DLG2: variants seen among roughly 807,000 people sequenced by gnomAD.
The protein encoded by DLG2 is disks large homolog 2.
In DLG2, 45 loss-of-function variants were observed where a neutral mutation model predicts 132.5. The ratio of observed to expected loss-of-function variants is 0.34; its 90% confidence interval spans 0.27 to 0.44. The LOEUF is 0.44. Among genes scored for constraint, DLG2 ranks in the 20% least tolerant of loss-of-function variants. The pLI is 1.00. For synonymous variants in DLG2, 424 were observed against 419.6 expected (o/e 1.01, Z -0.13); for missense variants, 1,045 against 1,196.9 (o/e 0.87, Z 1.87).
chr11:84,706,146 G>A (rs1264469183), intron 6 of DLG2, among the ~76,000 whole-genome samples: 1 of 151,820 alleles, frequency 6.6e-6, no homozygotes, highest in Non-Finnish European at 1.5e-5. Flanking sequence ...TCCCTCCTTG[G>A]ATAGCGTCCA....
intron 3 of DLG2, among the ~76,000 whole-genome samples, chr11:85,317,128 G>C (rs1334784511): frequency 6.6e-6 from 1 of 151,876 alleles, no homozygotes; most frequent in East Asian, 1.9e-4. Context: ...TAAACATCTT[G>C]TGTAAAAGCT....
chr11:83,664,835 A>T (rs2096688282), intron 18 of DLG2, among the ~76,000 whole-genome samples: 1 of 152,178 alleles, frequency 6.6e-6, no homozygotes, highest in South Asian at 2.1e-4. Context: ...CTGAAAGCTC[A>T]TGAAGCCAGC....
At chr11:84,089,200 T>C (rs1010387729) in intron 10 of DLG2, among the ~76,000 whole-genome samples, 2 of 152,198 alleles carry the variant, frequency 1.3e-5, no homozygotes, top group Non-Finnish European at 2.9e-5. Flanking sequence ...AATTGGTAAG[T>C]GGGTCTTGGG....
At chr11:83,882,484 A>T (rs1017402912) in intron 15 of DLG2, among the ~76,000 whole-genome samples, 1 of 152,244 alleles carries the variant, frequency 6.6e-6, no homozygotes, top group Non-Finnish European at 1.5e-5. Flanking sequence ...TTCATTCCAT[A>T]GCCAAAGATA....
chr11:85,495,833 T>C (rs911603993), intron 3 of DLG2, among the ~76,000 whole-genome samples: 1 of 152,196 alleles, frequency 6.6e-6, no homozygotes, highest in Non-Finnish European at 1.5e-5. Flanking sequence ...TGCACACTTA[T>C]GTTTATTGTG....
chr11:83,706,075 G>A (rs1301641943), intron 18 of DLG2, among the ~76,000 whole-genome samples: 1 of 151,978 alleles, frequency 6.6e-6, no homozygotes, highest in African/African-American at 2.4e-5. Context: ...AAAATTAGCT[G>A]GGCATGGTGG....
At chr11:85,617,705 G>A (rs1229521322) in intron 2 of DLG2, among the ~76,000 whole-genome samples, 2 of 152,122 alleles carry the variant, frequency 1.3e-5, no homozygotes, top group Non-Finnish European at 2.9e-5. Context: ...ATTTTAGCTT[G>A]TTTATTACCT....
At chr11:83,675,338 T>C (rs2077498173) in intron 18 of DLG2, among the ~76,000 whole-genome samples, 1 of 152,246 alleles carries the variant, frequency 6.6e-6, no homozygotes. Context: ...ATATACACCA[T>C]ACAATTAGCA....
intron 3 of DLG2, among the ~76,000 whole-genome samples, chr11:85,494,972 T>C (rs2153112786): frequency 6.6e-6 from 1 of 152,156 alleles, no homozygotes; most frequent in Admixed American, 6.5e-5. Context: ...CATTCATGGA[T>C]TTTATAACAA....
At chr11:84,735,023 T>C (rs1054715619) in intron 6 of DLG2, among the ~76,000 whole-genome samples, 18 of 152,204 alleles carry the variant, frequency 1.2e-4, no homozygotes, top group Admixed American at 2.6e-4. Flanking sequence ...TTTGATGTGT[T>C]GCTGGATTCA....
chr11:84,013,075 C>G (rs1445311225), intron 11 of DLG2, among the ~76,000 whole-genome samples: 5 of 152,114 alleles, frequency 3.3e-5, no homozygotes, highest in Admixed American at 3.3e-4. Context: ...TTCCCCAGAT[C>G]ATCTGTCTTA....
At chr11:84,765,384 A>G (rs76959440) in intron 6 of DLG2, among the ~76,000 whole-genome samples, 2,724 of 152,202 alleles carry the variant, frequency 0.018, 96 homozygotes, top group African/African-American at 0.062. Flanking sequence ...AGATTAAGAA[A>G]GTTCTCCTGG....
chr11:84,478,145 C>A (rs2099126843), intron 7 of DLG2, among the ~76,000 whole-genome samples: 1 of 152,048 alleles, frequency 6.6e-6, no homozygotes, highest in Admixed American at 6.6e-5. Context: ...GTTAACAGTG[C>A]ATTGTTCATT....
chr11:83,666,795 A>T (rs1049347781), intron 18 of DLG2, among the ~76,000 whole-genome samples: 4 of 152,232 alleles, frequency 2.6e-5, no homozygotes, highest in Non-Finnish European at 5.9e-5. Flanking sequence ...GCCCAAAGTC[A>T]CAATGCTGGT....
chr11:85,452,751 TTG>T (rs1157190909), intron 3 of DLG2: 1 of 154,718 alleles, frequency 6.5e-6, no homozygotes, highest in African/African-American at 2.4e-5. Flanking sequence ...AGATATCAGG[TTG>T]TTTGTTACTT....
chr11:84,353,355 T>C (rs2098593127), intron 7 of DLG2, among the ~76,000 whole-genome samples: 3 of 152,156 alleles, frequency 2.0e-5, no homozygotes, highest in African/African-American at 7.2e-5. Context: ...CTTCCTGCAG[T>C]GTTCCCTCCC....
intron 7 of DLG2, among the ~76,000 whole-genome samples, chr11:84,482,121 G>T (rs1350257055): frequency 6.6e-6 from 1 of 151,924 alleles, no homozygotes; most frequent in Non-Finnish European, 1.5e-5. Flanking sequence ...ATACATTTCT[G>T]CAGGTAATGC....
Position 83,786,797 on chromosome 11 carries a change from AAG to A in DLG2, c.1723-7_1723-6del. 1 of 1,613,282 alleles carries A rather than the reference AAG, an allele frequency of 6.2e-7. No homozygotes were observed. Among genetic ancestry groups the A allele is most frequent in the Non-Finnish European group, 8.5e-7 (1 of 1,179,328 alleles). The stretch of plus-strand genomic sequence containing the variant: ...ACGGAGGTCAATGCCATTCACCTGA[AAG>A]AGAGGAAGCCAGAGAATCTTGGTAT... On this transcript the variant is annotated splice_region_variant and splice_polypyrimidine_tract_variant and intron_variant, in intron 17 of 27. Coordinates refer to ENST00000376104, the MANE Select transcript of DLG2 (RefSeq NM_001142699.3).
chr11:85,546,780 TA>T (rs55705619), intron 3 of DLG2, among the ~76,000 whole-genome samples: 146,097 of 146,114 alleles, frequency 1, 73,040 homozygotes, highest in Middle Eastern at 1. Flanking sequence ...TTTGTTGGTT[TA>T]AAGTCTGTTT....
Sources: allele counts gnomAD v4.1 joint callset (sites outside exome capture counted in the v4.1 genomes callset), GRCh38; gene constraint gnomAD v4.1.1; transcripts MANE v1.5; gene names NCBI Gene and HGNC (gene_info 2026-07-23, HGNC 2026-07-21).